GRIA4: variants seen among roughly 807,000 people sequenced by gnomAD.
GRIA4 encodes glutamate receptor 4.
In GRIA4, 34 loss-of-function variants were observed where a neutral mutation model predicts 104.0. The ratio of observed to expected loss-of-function variants is 0.33; its 90% CI spans 0.25 to 0.44. GRIA4 has a LOEUF of 0.44. Ranked by LOEUF, GRIA4 falls within the 20% of genes least tolerant of loss-of-function variation. The pLI is 1.00. For synonymous variants in GRIA4, 386 were observed against 381.9 expected (o/e 1.01, Z -0.13); for missense variants, 750 against 1,096.5 (o/e 0.68, Z 4.46).
rs993266599 is a variant in GRIA4, at chr11:105,913,593, A to T, written c.1269+3048A>T. 5.1e-6 allele frequency: 3 copies of T among 584,252 alleles called. No homozygotes were observed. In the African/African-American group the frequency reaches 6.0e-5, roughly 12 times the overall value. The allele number at this position is 584,252 out of a possible 1,614,324, so 36.2% of individuals were successfully genotyped here. On this transcript the variant is annotated intron_variant, in intron 10 of 16. Transcript: ENST00000282499. ...AAATCTATTCCATGTGGTTTGGATA[A>T]ATACAGCAATTGAGGGAAAAGCAGT...
chr11:105,847,379 G>A (rs2135977959), intron 4 of GRIA4, among the ~76,000 whole-genome samples: 1 of 152,288 alleles, frequency 6.6e-6, no homozygotes, highest in African/African-American at 2.4e-5. Flanking sequence ...ACCGGTAGGG[G>A]TCTGCAGATC....
intron 4 of GRIA4, among the ~76,000 whole-genome samples, chr11:105,777,770 A>T (rs1179075767): frequency 6.6e-6 from 1 of 152,192 alleles, no homozygotes; most frequent in Non-Finnish European, 1.5e-5. Flanking sequence ...AATCTTAAAA[A>T]TAATAGATGC....
chr11:105,927,961 T>G (rs1294095562), intron 13 of GRIA4, among the ~76,000 whole-genome samples: 1 of 151,964 alleles, frequency 6.6e-6, no homozygotes, highest in East Asian at 1.9e-4. Context: ...CATGGGAAAG[T>G]AGTAATAGCT....
intron 4 of GRIA4, among the ~76,000 whole-genome samples, chr11:105,813,025 C>T (rs565533589): frequency 1.5e-5 from 2 of 133,580 alleles, no homozygotes; most frequent in South Asian, 2.4e-4. Flanking sequence ...ACCTGGGAGG[C>T]GGAGCTTGCA....
chr11:105,936,105 TG>T (rs1948027857), intron 14 of GRIA4, among the ~76,000 whole-genome samples: 1 of 152,146 alleles, frequency 6.6e-6, no homozygotes, highest in African/African-American at 2.4e-5. Flanking sequence ...CTGACCAGCA[TG>T]CACCTCACCC....
chr11:105,624,416 T>G (rs1456832057), intron 3 of GRIA4, among the ~76,000 whole-genome samples: 1 of 152,098 alleles, frequency 6.6e-6, no homozygotes, highest in Non-Finnish European at 1.5e-5. Flanking sequence ...GTTCAGACAT[T>G]GGCTGCTTCC....
At chr11:105,811,295 T>C (rs538057247) in intron 4 of GRIA4, among the ~76,000 whole-genome samples, 2 of 152,168 alleles carry the variant, frequency 1.3e-5, no homozygotes, top group African/African-American at 4.8e-5. Context: ...ATAGAAGAGA[T>C]ATAAATGAAA....
chr11:105,928,081 T>C (rs1947768504), intron 13 of GRIA4, among the ~76,000 whole-genome samples: 1 of 152,032 alleles, frequency 6.6e-6, no homozygotes, highest in African/African-American at 2.4e-5. Context: ...CAACAAAATG[T>C]GCTACTCCTT....
At chr11:105,775,865 A>T (rs989022664) in intron 4 of GRIA4, among the ~76,000 whole-genome samples, 1 of 152,040 alleles carries the variant, frequency 6.6e-6, no homozygotes, top group Admixed American at 6.6e-5. Flanking sequence ...TAATTTTCTC[A>T]ATCTTTTTTG....
intron 3 of GRIA4, among the ~76,000 whole-genome samples, chr11:105,636,137 G>A (rs1466669010): frequency 6.6e-6 from 1 of 152,114 alleles, no homozygotes; most frequent in Non-Finnish European, 1.5e-5. Context: ...TACAAAAAGA[G>A]TAAAAGACAA....
intron 4 of GRIA4, among the ~76,000 whole-genome samples, chr11:105,833,948 T>C (rs1944080617): frequency 6.6e-6 from 1 of 152,106 alleles, no homozygotes; most frequent in Admixed American, 6.6e-5. Context: ...TCACCTACAA[T>C]CATTTTACTA....
chr11:105,903,376 A>G (rs534825354), intron 7 of GRIA4, among the ~76,000 whole-genome samples: 40 of 152,322 alleles, frequency 2.6e-4, no homozygotes, highest in African/African-American at 9.1e-4. Context: ...ATCTCAGGGA[A>G]CCTTGCTAGG....
At chr11:105,694,011 G>T (rs766299421) in intron 3 of GRIA4, among the ~76,000 whole-genome samples, 21 of 152,212 alleles carry the variant, frequency 1.4e-4, no homozygotes, top group Non-Finnish European at 2.2e-4. Flanking sequence ...TTTTAATTCT[G>T]CAACATTGGG....
At chr11:105,733,654 C>T (rs1412960187) in intron 3 of GRIA4, among the ~76,000 whole-genome samples, 7 of 151,974 alleles carry the variant, frequency 4.6e-5, no homozygotes, top group South Asian at 2.1e-4. Flanking sequence ...GACGGGGTTT[C>T]GCTGTGTTGG....
At chr11:105,911,303 G>T (rs1055715136) in intron 10 of GRIA4, among the ~76,000 whole-genome samples, 1 of 151,836 alleles carries the variant, frequency 6.6e-6, no homozygotes, top group Non-Finnish European at 1.5e-5. Context: ...TTAAATAATA[G>T]AATATCTTAT....
chr11:105,870,606 G>A (rs1029836378), intron 5 of GRIA4, among the ~76,000 whole-genome samples: 2 of 151,940 alleles, frequency 1.3e-5, no homozygotes, highest in African/African-American at 4.8e-5. Flanking sequence ...CCCAGGCAGA[G>A]ACGCTGGGAA....
intron 3 of GRIA4, among the ~76,000 whole-genome samples, chr11:105,702,908 T>G (rs1283991557): frequency 6.6e-6 from 1 of 152,162 alleles, no homozygotes; most frequent in East Asian, 1.9e-4. Flanking sequence ...TTGGCCAGAC[T>G]GGGCTGGAAC....
intron 4 of GRIA4, among the ~76,000 whole-genome samples, chr11:105,770,376 T>G (rs1248605036): frequency 6.6e-6 from 1 of 152,068 alleles, no homozygotes; most frequent in African/African-American, 2.4e-5. Context: ...ATGATGCATA[T>G]TTTTGCCAAA....
intron 3 of GRIA4, among the ~76,000 whole-genome samples, chr11:105,661,736 T>C (rs1224777564): frequency 6.6e-6 from 1 of 151,640 alleles, no homozygotes; most frequent in African/African-American, 2.4e-5. Context: ...TTCTTGGTAT[T>C]TGTCAAATTT....
Sources: allele counts gnomAD v4.1 joint callset (sites outside exome capture counted in the v4.1 genomes callset), GRCh38; gene constraint gnomAD v4.1.1; transcripts MANE v1.5; gene names NCBI Gene and HGNC (gene_info 2026-07-23, HGNC 2026-07-21).